Variants in ASH1L observed in about 807,000 individuals in gnomAD.
ASH1L encodes the protein ASH1 like histone lysine methyltransferase, also known as histone-lysine N-methyltransferase ASH1L.
A neutral mutation model predicts 269.0 loss-of-function variants in ASH1L; 23 were observed. The ratio of observed to expected loss-of-function variants is 0.09; its 90% CI spans 0.06 to 0.12. The LOEUF (loss-of-function observed/expected upper bound fraction) is 0.12, where lower values mean the gene tolerates loss of function less well. Ranked by LOEUF, ASH1L falls within the 10% of genes least tolerant of loss-of-function variation. The pLI, the probability that ASH1L is intolerant of heterozygous loss-of-function variation, is 1.00. For synonymous variants in ASH1L, 1,187 were observed against 1,253.5 expected (o/e 0.95, Z 1.12); for missense variants, 2,912 against 3,567.8 (o/e 0.82, Z 4.68).
At chr1:155,539,789 A>ATTGAGGCCAAGGCAGGAAGATCGC (rs1330695287) in intron 1 of ASH1L, among the ~76,000 whole-genome samples, 1 of 151,302 alleles carries the variant, frequency 6.6e-6, no homozygotes, top group South Asian at 2.1e-4. Flanking sequence ...ATCCCAGCAC[A>ATTGAGGCCAAGGCAGGAAGATCGC]TTGAGGCCAA....
rs34917347 is a variant in ASH1L, at chr1:155,544,290, C to CT, written c.-100+17862dup. Among the ~76,000 whole-genome samples the CT allele has an allele frequency of 6.6e-3, 951 of 143,722 alleles. 5 individuals carry two copies. The highest frequency in any genetic ancestry group is 0.015 in the African/African-American group (597 of 39,392). The allele number at this position is 143,722 out of a possible 152,430, so 94.3% of individuals were successfully genotyped here. ...CTATAACCTATGGTGGAGAAACCCC[C>CT]TTTTTTTTTTTTTTGAGATATAGTC... On this transcript the variant is annotated intron_variant, in intron 1 of 27. Coordinates refer to ENST00000392403, the MANE Select transcript of ASH1L (RefSeq NM_018489.3).
At position 155,543,565 on chromosome 1, in the gene ASH1L, T is replaced by C. The variant is rs1212822149; in HGVS notation, c.-100+18588A>G. Among the ~76,000 whole-genome samples, 4 of 149,742 alleles carry C rather than the reference T, an allele frequency of 2.7e-5. No individual in the cohort carries two copies. The South Asian group carries it at 6.4e-4, about 24-fold the overall frequency. ...TATGACAAGGAGATGATTTATTTGATATATGTGGCTATATGTTGACATAAC... is the reference window on the plus strand; with the variant it reads ...TATGACAAGGAGATGATTTATTTGACATATGTGGCTATATGTTGACATAAC... On this transcript the variant is annotated intron_variant, in intron 1 of 27. Transcript: ENST00000392403.
intron 2 of ASH1L, among the ~76,000 whole-genome samples, chr1:155,501,630 G>A (rs1055064794): frequency 6.6e-6 from 1 of 151,956 alleles, no homozygotes; most frequent in Non-Finnish European, 1.5e-5. Context: ...CTTGGCATCC[G>A]CAATTTCTTA....
intron 25 of ASH1L, among the ~76,000 whole-genome samples, chr1:155,341,514 T>A (rs1177818280): frequency 1.3e-5 from 2 of 151,688 alleles, no homozygotes; most frequent in Admixed American, 1.3e-4. Context: ...CCATTTTTAA[T>A]GCAGGCATAA....
chr1:155,479,105 C>T lies in ASH1L; in HGVS notation c.3765G>A (p.Arg1255=), dbSNP rs752131158. ...KEKHKHKCKR[R]NHDYLSYDKM... ...TGTCATAGCTGAGGTAATCATGATT[C>T]CTGCGCTTACATTTGTGTTTATGTT... The change falls in exon 3 of 28, where the codon AGG becomes AGA. Residue 1255 remains arginine (R), a synonymous_variant. Coordinates refer to ENST00000392403, the MANE Select transcript of ASH1L (RefSeq NM_018489.3). 6.2e-7 allele frequency: 1 copy of T among 1,613,974 alleles called. No homozygotes were observed.
intron 3 of ASH1L, among the ~76,000 whole-genome samples, chr1:155,460,644 C>CA (rs1168553361): frequency 6.6e-6 from 1 of 152,014 alleles, no homozygotes; most frequent in Non-Finnish European, 1.5e-5. Context: ...CTTAAACCCA[C>CA]ACATCCTATC....
intron 1 of ASH1L, among the ~76,000 whole-genome samples, chr1:155,527,090 C>A (rs1018495973): frequency 8.5e-5 from 13 of 152,172 alleles, no homozygotes; most frequent in Non-Finnish European, 1.5e-4. Flanking sequence ...TGCCTGTAAT[C>A]CCAGCTACTC....
chr1:155,345,781 G>T (rs560235388), intron 21 of ASH1L, among the ~76,000 whole-genome samples: 2 of 150,158 alleles, frequency 1.3e-5, no homozygotes, highest in African/African-American at 4.9e-5. Context: ...CACCATCTTG[G>T]CCAGGCTGGT....
chr1:155,456,701 A>T (rs540429840), intron 4 of ASH1L, among the ~76,000 whole-genome samples: 7 of 152,304 alleles, frequency 4.6e-5, no homozygotes, highest in Middle Eastern at 3.4e-3. Context: ...GGTCTATTCA[A>T]TATCTCTACC....
rs1660175570 is a variant in ASH1L at position 155,415,990 on chromosome 1, T to G, written c.5829-67A>C. 5 of 1,261,610 alleles carry G rather than the reference T, an allele frequency of 4.0e-6. No homozygotes were observed. The South Asian group carries it at 7.6e-5, about 19-fold the overall frequency. The allele number at this position is 1,261,610 out of a possible 1,614,324, so 78.2% of individuals were successfully genotyped here. A position where few individuals can be genotyped will look rare whatever the true frequency, so the allele number is the denominator to read the frequency against. On this transcript the variant is annotated intron_variant, in intron 5 of 27. Transcript: ENST00000392403. ...AGTTTTCCTACAAATAATTGTCTAC[T>G]TAAAAAAAAAAAACCATAGCAATTA...
chr1:155,366,780 T>C (rs1655459466), intron 12 of ASH1L, among the ~76,000 whole-genome samples: 1 of 151,810 alleles, frequency 6.6e-6, no homozygotes, highest in African/African-American at 2.4e-5. Context: ...TTGAAGCAAT[T>C]CTCCTGCCCC....
At chr1:155,412,658 G>C (rs533179288) in intron 6 of ASH1L, among the ~76,000 whole-genome samples, 13 of 152,226 alleles carry the variant, frequency 8.5e-5, no homozygotes, top group Non-Finnish European at 1.3e-4. Flanking sequence ...AAACCCAAAG[G>C]GGGGATTGTG....
At chr1:155,522,686 A>ATTT (rs34562141) in intron 1 of ASH1L, among the ~76,000 whole-genome samples, 3 of 141,232 alleles carry the variant, frequency 2.1e-5, no homozygotes, top group South Asian at 2.3e-4. Context: ...AGATTAGTGA[A>ATTT]TTTTTTTTTT....
At chr1:155,503,609 T>G (rs886820136) in intron 2 of ASH1L, among the ~76,000 whole-genome samples, 8 of 152,234 alleles carry the variant, frequency 5.3e-5, no homozygotes, top group African/African-American at 1.7e-4. Flanking sequence ...TCATTGATTT[T>G]AGAGAAACTA....
intron 2 of ASH1L, among the ~76,000 whole-genome samples, chr1:155,492,399 T>G (rs1666870622): frequency 1.3e-5 from 2 of 152,206 alleles, no homozygotes; most frequent in African/African-American, 4.8e-5. Flanking sequence ...TTCACTACAC[T>G]TTCAATTAAT....
chr1:155,389,427 C>T (rs978127582), intron 7 of ASH1L, among the ~76,000 whole-genome samples: 4 of 152,044 alleles, frequency 2.6e-5, no homozygotes, highest in Admixed American at 1.3e-4. Flanking sequence ...AATCCCAGCA[C>T]TTTGGAAGGA....
intron 6 of ASH1L, 138 bp downstream of exon 6, chr1:155,415,606 G>T: frequency 1.1e-6 from 1 of 929,790 alleles, no homozygotes; most frequent in Non-Finnish European, 1.7e-6. Flanking sequence ...TGAGGGAGGC[G>T]TACCTCATAC....
intron 2 of ASH1L, among the ~76,000 whole-genome samples, chr1:155,488,374 T>C (rs1666470893): frequency 1.3e-5 from 2 of 151,268 alleles, no homozygotes; most frequent in South Asian, 2.1e-4. Flanking sequence ...CATTAAGATT[T>C]TGAAGCCGGG....
intron 12 of ASH1L, among the ~76,000 whole-genome samples, chr1:155,366,616 TAA>T: frequency 6.6e-6 from 1 of 152,212 alleles, no homozygotes; most frequent in East Asian, 1.9e-4. Context: ...CAAACTTTCA[TAA>T]GATTTATTCT....
Sources: gnomAD v4.1 joint callset for allele counts (sites outside exome capture counted in the v4.1 genomes callset) on GRCh38, gnomAD v4.1.1 for gene constraint, MANE v1.5 for transcripts, NCBI Gene and HGNC (gene_info 2026-07-23, HGNC 2026-07-21) for gene names.